The following ABCA3 variants were observed in gnomAD, a reference collection of about 807,000 sequenced individuals.
The protein encoded by ABCA3 is phospholipid-transporting ATPase ABCA3.
ABCA3 carries 88 observed loss-of-function variants against 172.8 expected under a neutral mutation model. The ratio of observed to expected loss-of-function variants is 0.51; its 90% CI spans 0.43 to 0.61. The LOEUF (loss-of-function observed/expected upper bound fraction) is 0.61, where lower values mean the gene tolerates loss of function less well. ABCA3 is among the 20% of genes least tolerant of loss of function. ABCA3 has a pLI of 0.00. For synonymous variants in ABCA3, 1,066 were observed against 983.8 expected (o/e 1.08, Z -1.56); for missense variants, 2,164 against 2,301.0 (o/e 0.94, Z 1.22).
At chr16:2,313,862 A>C (rs1308037351) in intron 10 of ABCA3, among the ~76,000 whole-genome samples, 1 of 151,688 alleles carries the variant, frequency 6.6e-6, no homozygotes, top group African/African-American at 2.4e-5. Flanking sequence ...CACTACACTT[A>C]GCCTGGGCAA....
At chr16:2,329,113 T>C (rs1360972303) in intron 2 of ABCA3, among the ~76,000 whole-genome samples, 1 of 152,112 alleles carries the variant, frequency 6.6e-6, no homozygotes, top group Non-Finnish European at 1.5e-5. Context: ...AAAAATTAAT[T>C]TAAAATATGA....
chr16:2,319,191 T>G (rs557245515), intron 8 of ABCA3, among the ~76,000 whole-genome samples: 1 of 151,862 alleles, frequency 6.6e-6, no homozygotes, highest in East Asian at 1.9e-4. Context: ...CTTGGCAATA[T>G]AGAAAGACCT....
At chr16:2,318,810 G>T (rs1020646694) in intron 8 of ABCA3, among the ~76,000 whole-genome samples, 1 of 152,128 alleles carries the variant, frequency 6.6e-6, no homozygotes, top group Non-Finnish European at 1.5e-5. Context: ...AGTGCCCAGG[G>T]CTAGCCCTTT....
chr16:2,338,044 T>C lies in ABCA3; in HGVS notation c.-539+2529A>G, dbSNP rs146172924. Among the ~76,000 whole-genome samples, 79 of 152,332 alleles carry C rather than the reference T, an allele frequency of 5.2e-4. 3 individuals are homozygous for C. In the South Asian group the frequency reaches 0.013, roughly 26 times the overall value. Reference sequence around the variant, plus strand: ...AACCCTTGCCGTGGCTTCAGTCCCGTTCTCCAGCCAGCTAGCTGTTCTGCC... The same window carrying C: ...AACCCTTGCCGTGGCTTCAGTCCCGCTCTCCAGCCAGCTAGCTGTTCTGCC... On this transcript the variant is annotated intron_variant, in intron 1 of 32. Coordinates refer to ENST00000301732, the MANE Select transcript of ABCA3 (RefSeq NM_001089.3).
chr16:2,277,943 C>T lies in ABCA3; in HGVS notation c.4845G>A (p.Val1615=). The change falls in exon 31 of 33, where the codon GTG becomes GTA. Residue 1615 remains valine (V), a synonymous_variant. Coordinates refer to ENST00000301732, the MANE Select transcript of ABCA3 (RefSeq NM_001089.3). This position sits in a 1 kb window ranked among gnomAD's most constrained non-coding sequence, Gnocchi z 5.3. ...FGSGYSLRAK[V]QSEGQQEALE... is the part of the protein sequence containing the mutation. ...GCGCCTCCTGTTGCCCTTCACTCTG[C>T]ACCTTGGCCCGCAGGGAGTAGCCGC... is the stretch of plus-strand genomic sequence containing the variant. The T allele has an allele frequency of 1.2e-6, 2 of 1,612,098 alleles. No individual in the cohort carries two copies. Among genetic ancestry groups the T allele is most frequent in the East Asian group, 2.2e-5 (1 of 44,884 alleles).
In ABCA3 at chr16:2,288,026, C is replaced by G; in HGVS notation, c.3004G>C (p.Gly1002Arg). 3 of 1,605,064 alleles carry G rather than the reference C, an allele frequency of 1.9e-6. No homozygotes were observed. Among genetic ancestry groups the G allele is most frequent in the Non-Finnish European group, 2.5e-6 (3 of 1,179,920 alleles). ...AEGQEPREVLGDLEEFLIFRA... is the reference protein window; with the variant it reads ...AEGQEPREVLRDLEEFLIFRA... ...GTCCCGCCCCCGGGATGCCCCTTAC[C>G]GAGCACCTCGCGGGGCTCCTGTCCC... The change falls in exon 21 of 33, where the codon GGT becomes CGT. Residue 1002 changes from glycine to arginine, a missense_variant and splice_region_variant. Coordinates refer to ENST00000301732, the MANE Select transcript of ABCA3 (RefSeq NM_001089.3).
rs752070912 is a variant in ABCA3 at position 2,304,008 on chromosome 16, C to A, written c.1428G>T (p.Gly476=). The change falls in exon 12 of 33, where the codon GGG becomes GGT. Residue 476 remains glycine, a synonymous_variant. Coordinates refer to ENST00000301732, the MANE Select transcript of ABCA3 (RefSeq NM_001089.3). ...VTWYMEAVFP[G]QFGVPQPWYF... Reference sequence around the variant, plus strand: ...ACCAGGGCTGAGGCACGCCGAACTGCCCTGGGAAGACGGCCTCCATGTACC... The same window carrying A: ...ACCAGGGCTGAGGCACGCCGAACTGACCTGGGAAGACGGCCTCCATGTACC... 1.6e-5 allele frequency: 26 copies of A among 1,614,054 alleles called. No individual in the cohort carries two copies. Among genetic ancestry groups the A allele is most frequent in the Admixed American group, 3.3e-5 (2 of 59,994 alleles).
At position 2,319,354 on chromosome 16, in the gene ABCA3, A is replaced by G. The variant is rs536642615; in HGVS notation, c.873+227T>C. Reference sequence around the variant, plus strand: ...CAAAAAATTAGCTGGGTGTGGTGGCAGGCACCTATAGTCCCAACTACTCGG... The same window carrying G: ...CAAAAAATTAGCTGGGTGTGGTGGCGGGCACCTATAGTCCCAACTACTCGG... On this transcript the variant is annotated intron_variant, in intron 8 of 32. Coordinates refer to ENST00000301732, the MANE Select transcript of ABCA3 (RefSeq NM_001089.3). 2.4e-3 allele frequency among the ~76,000 whole-genome samples: 372 copies of G among 152,130 alleles called. 3 individuals are homozygous for G. The highest frequency in any genetic ancestry group is 2.4e-3 in the Non-Finnish European group (165 of 67,972).
rs748116691 is a variant in ABCA3 at position 2,298,506 on chromosome 16, G to A, written c.1776C>T (p.Ile592=). 1 of 1,613,986 alleles carries A rather than the reference G, an allele frequency of 6.2e-7. No homozygotes were observed. Among genetic ancestry groups the A allele is most frequent in the Non-Finnish European group, 8.5e-7 (1 of 1,180,034 alleles). The change falls in exon 15 of 33, where the codon ATC becomes ATT. Residue 592 remains isoleucine (I), a synonymous_variant. Transcript: ENST00000301732. Reference sequence around the variant, plus strand: ...TGTCCTGGGAAATTTCATACCCGCTGATGTATGCCCGTCCACTGGTGGGGG... The same window carrying A: ...TGTCCTGGGAAATTTCATACCCGCTAATGTATGCCCGTCCACTGGTGGGGG... ...LFPPTSGRAY[I]SGYEISQDMV... is the part of the protein sequence containing the mutation.
At position 2,285,800 on chromosome 16, in the gene ABCA3, G is replaced by C. The variant is rs1277433388; in HGVS notation, c.3279-154C>G. Among the ~76,000 whole-genome samples the C allele has an allele frequency of 1.3e-5, 2 of 152,140 alleles. No homozygotes were observed. The highest frequency in any genetic ancestry group is 2.9e-5 in the Non-Finnish European group (2 of 68,016). ...AGCACAAGCACCATGGTTCCATACC[G>C]GGAACATCTGCCCCCACCGGAGAAC... On this transcript the variant is annotated intron_variant, in intron 22 of 32. Transcript: ENST00000301732. The surrounding 1 kb of genome is among the most constrained non-coding windows in gnomAD (Gnocchi z 4.7).
intron 1 of ABCA3, among the ~76,000 whole-genome samples, chr16:2,330,319 ATTT>A (rs796294302): frequency 8.5e-5 from 10 of 117,192 alleles, no homozygotes; most frequent in African/African-American, 2.0e-4. Flanking sequence ...TATAAGCTCT[ATTT>A]TTTTTTTTTT....
intron 8 of ABCA3, 105 bp from the exon 9 acceptor site, chr16:2,317,869 C>G (rs2093718967): frequency 3.9e-6 from 4 of 1,018,694 alleles, no homozygotes; most frequent in Non-Finnish European, 6.1e-6. Context: ...TCCCAGCAGC[C>G]CTGCATTCGA....
intron 11 of ABCA3, among the ~76,000 whole-genome samples, chr16:2,307,734 T>TAGCTGGGACTAC (rs2093700135): frequency 6.6e-6 from 1 of 151,954 alleles, no homozygotes; most frequent in African/African-American, 2.4e-5. Context: ...GCCTCTCGAG[T>TAGCTGGGACTAC]AGCTGGGACT....
rs2093683744 is a variant in ABCA3 at position 2,298,523 on chromosome 16, T to C, written c.1759A>G (p.Ser587Gly). 2 of 1,613,766 alleles carry C rather than the reference T, an allele frequency of 1.2e-6. No homozygotes were observed. The highest frequency in any genetic ancestry group is 3.3e-5 in the Admixed American group (2 of 60,010). Residue 587 changes from serine to glycine, a missense_variant, in exon 15 of 33, where the codon AGT (serine) becomes GGT (glycine). Ser to Gly is a moderately conservative substitution (Grantham distance 56). Transcript: ENST00000301732. ...TACCCGCTGATGTATGCCCGTCCAC[T>C]GGTGGGGGGAAAGAGACCTGGGGCC... ...SMLTGLFPPT[S>G]GRAYISGYEI...
chr16:2,323,671 C>T lies in ABCA3; in HGVS notation c.465G>A (p.Arg155=), dbSNP rs1156283140. ...PLPLAVKYHL[R]FSYTRRNYMW... ...TGTAATTTCTCCGTGTGTAACTGAA[C>T]CGTAGGTGATATTTCACCTGTGGAA... The change falls in exon 7 of 33, where the codon CGG becomes CGA. Residue 155 remains arginine (R), a synonymous_variant. Transcript: ENST00000301732. The T allele has an allele frequency of 3.1e-6, 5 of 1,614,064 alleles. No individual in the cohort carries two copies. In the African/African-American group the frequency reaches 5.3e-5, roughly 17 times the overall value.
chr16:2,289,362 A>G (rs1453741688), intron 20 of ABCA3, 72 bp downstream of exon 20: 15 of 1,522,698 alleles, frequency 9.9e-6, no homozygotes, highest in Admixed American at 2.0e-5. Flanking sequence ...TCTCCTCTGC[A>G]TGGGCTTACA....
chr16:2,336,183 G>GA (rs975041201), intron 1 of ABCA3, among the ~76,000 whole-genome samples: 7 of 152,162 alleles, frequency 4.6e-5, no homozygotes, highest in African/African-American at 1.7e-4. Flanking sequence ...CGTTCCCAAT[G>GA]ATGCTACAAG....
rs1033560878 is a variant in ABCA3, at chr16:2,292,233, T to A, written c.2420A>T (p.Glu807Val). Residue 807 changes from glutamate (E) to valine (V), a missense_variant, in exon 19 of 33, where the codon GAA (glutamate) becomes GTA (valine). Coordinates refer to ENST00000301732, the MANE Select transcript of ABCA3 (RefSeq NM_001089.3). ...ILPRESTHRFEGLFAKLEKKQ... is the reference protein window; with the variant it reads ...ILPRESTHRFVGLFAKLEKKQ... Reference sequence around the variant, plus strand: ...CTTCTCCAGTTTAGCAAAGAGACCTTCAAACCTGAAAAACAGACCCAGCAT... The same window carrying A: ...CTTCTCCAGTTTAGCAAAGAGACCTACAAACCTGAAAAACAGACCCAGCAT... 6.2e-7 allele frequency: 1 copy of A among 1,613,196 alleles called. No homozygotes were observed.
Position 2,328,712 on chromosome 16 carries a change from A to G in ABCA3, c.-286T>C. 2.8e-6 allele frequency: 1 copy of G among 355,872 alleles called. No homozygotes were observed. The highest frequency in any genetic ancestry group is 5.7e-6 in the Non-Finnish European group (1 of 176,108). The allele number at this position is 355,872 out of a possible 1,614,324, so 22.0% of individuals were successfully genotyped here. A position where few individuals can be genotyped will look rare whatever the true frequency, so the allele number is the denominator to read the frequency against. ...ATGTGCGGAAAAGCCTCCTTGACTC[A>G]CAGTGGAAGAGTTTCAGGTTCAGTT... On this transcript the variant is annotated 5_prime_UTR_variant, in exon 3 of 33. Coordinates refer to ENST00000301732, the MANE Select transcript of ABCA3 (RefSeq NM_001089.3).
Sources: gnomAD v4.1 joint callset for allele counts (sites outside exome capture counted in the v4.1 genomes callset) on GRCh38, gnomAD v4.1.1 for gene constraint, Gnocchi (gnomAD v3.1) non-coding constraint, MANE v1.5 for transcripts, NCBI Gene and HGNC (gene_info 2026-07-23, HGNC 2026-07-21) for gene names.